Variants in FNBP1 observed in about 807,000 individuals in gnomAD.
The protein encoded by FNBP1 is formin binding protein 1, also known as formin-binding protein 1.
In FNBP1, 26 loss-of-function variants were observed where a neutral mutation model predicts 90.6. That is an observed-to-expected ratio of 0.29 (90% CI 0.21 to 0.40). The LOEUF (loss-of-function observed/expected upper bound fraction) is 0.40, where lower values mean the gene tolerates loss of function less well. Ranked by LOEUF, FNBP1 falls within the 10% of genes least tolerant of loss-of-function variation. FNBP1 has a pLI of 1.00. For synonymous variants in FNBP1, 260 were observed against 265.2 expected, an observed-to-expected ratio of 0.98 and a Z score of 0.19; for missense variants, 635 against 768.0, an observed-to-expected ratio of 0.83 and a Z score of 2.05.
chr9:129,928,354 C>A (rs550730233), intron 7 of FNBP1, among the ~76,000 whole-genome samples: 2 of 152,312 alleles, frequency 1.3e-5, no homozygotes, highest in South Asian at 4.1e-4. Context: ...GCATTAATCA[C>A]AGAATCATAG....
At chr9:129,964,682 T>G (rs2048309839) in intron 4 of FNBP1, among the ~76,000 whole-genome samples, 1 of 151,346 alleles carries the variant, frequency 6.6e-6, no homozygotes, top group South Asian at 2.1e-4. Flanking sequence ...TTGAGACAAT[T>G]TTACTGAACT....
intron 1 of FNBP1, among the ~76,000 whole-genome samples, chr9:130,029,196 C>A (rs2058600426): frequency 6.6e-6 from 1 of 151,912 alleles, no homozygotes; most frequent in Non-Finnish European, 1.5e-5. Flanking sequence ...TGCTCTGTCG[C>A]CCAGCCTGGA....
intron 2 of FNBP1, among the ~76,000 whole-genome samples, chr9:129,993,224 C>CAA (rs200526839): frequency 0.026 from 3,420 of 129,818 alleles, 59 homozygotes; most frequent in Middle Eastern, 0.06. Context: ...GAGACTGTCT[C>CAA]AAAAAAAAAA....
intron 1 of FNBP1, among the ~76,000 whole-genome samples, chr9:130,002,406 G>A (rs916508777): frequency 1.3e-5 from 2 of 152,128 alleles, no homozygotes; most frequent in Non-Finnish European, 2.9e-5. Context: ...CTTGGGTCAT[G>A]GCGGCAGATC....
chr9:129,941,886 C>A (rs1328458016), intron 6 of FNBP1, among the ~76,000 whole-genome samples: 1 of 152,126 alleles, frequency 6.6e-6, no homozygotes, highest in Non-Finnish European at 1.5e-5. Context: ...CCCTGGCTGA[C>A]ATGGCAAAAC....
chr9:129,902,749 G>C (rs1588403285), intron 13 of FNBP1, 120 bp downstream of exon 13: 1 of 938,776 alleles, frequency 1.1e-6, no homozygotes, highest in East Asian at 2.5e-5. Flanking sequence ...TCCTGAAACA[G>C]CCTGCCATTC....
chr9:130,038,134 C>G (rs488653), intron 1 of FNBP1, among the ~76,000 whole-genome samples: 1,843 of 151,986 alleles, frequency 0.012, 24 homozygotes, highest in Middle Eastern at 0.054. Flanking sequence ...GTGGGCAGAT[C>G]ACGAGGTCAG....
At chr9:129,917,917 G>A (rs1164991021) in intron 10 of FNBP1, among the ~76,000 whole-genome samples, 1 of 152,142 alleles carries the variant, frequency 6.6e-6, no homozygotes, top group Non-Finnish European at 1.5e-5. Context: ...ATGGTGCACA[G>A]CAGAAAACTC....
At chr9:129,965,819 G>GGAAGGAAGGAAGGAAGGAAT (rs2048545656) in intron 4 of FNBP1, among the ~76,000 whole-genome samples, 1 of 140,252 alleles carries the variant, frequency 7.1e-6, no homozygotes, top group Non-Finnish European at 1.6e-5. Context: ...GAGGGAGGGA[G>GGAAGGAAGGAAGGAAGGAAT]GAAGGAAGGA....
chr9:129,933,088 C>T (rs543220888), intron 6 of FNBP1, among the ~76,000 whole-genome samples: 1 of 152,256 alleles, frequency 6.6e-6, no homozygotes, highest in African/African-American at 2.4e-5. Context: ...CTGTAAAGAA[C>T]AGCAAGAGCT....
chr9:129,929,118 C>CA (rs1348574219), intron 7 of FNBP1, among the ~76,000 whole-genome samples: 2 of 147,298 alleles, frequency 1.4e-5, no homozygotes, highest in Admixed American at 6.7e-5. Flanking sequence ...CAAAACAAAA[C>CA]AAAAAAAAGG....
chr9:129,890,245 GGGGCGTGTGTCCC>G lies in FNBP1; in HGVS notation c.*281_*293del. 2.0e-6 allele frequency: 1 copy of G among 503,678 alleles called. No individual in the cohort carries two copies. The highest frequency in any genetic ancestry group is 3.5e-6 in the Non-Finnish European group (1 of 283,220). The allele number at this position is 503,678 out of a possible 1,614,324, so 31.2% of individuals were successfully genotyped here. A position where few individuals can be genotyped will look rare whatever the true frequency, so the allele number is the denominator to read the frequency against. On this transcript the variant is annotated 3_prime_UTR_variant, in exon 17 of 17. Coordinates refer to ENST00000446176, the MANE Select transcript of FNBP1 (RefSeq NM_015033.3). This position sits in a 1 kb window ranked among gnomAD's most constrained non-coding sequence, Gnocchi z 5.8. ...CTGAGGGCCCAGGAAGGAGCAGGTA[GGGGCGTGTGTCCC>G]ACCGTCTCAGTGGCCTGCGCGGGGT... is the stretch of plus-strand genomic sequence containing the variant.
intron 1 of FNBP1, among the ~76,000 whole-genome samples, chr9:130,016,131 T>C (rs1448965821): frequency 6.6e-6 from 1 of 152,194 alleles, no homozygotes; most frequent in African/African-American, 2.4e-5. Context: ...TCTAGTTTGA[T>C]TTAAAATTTT....
chr9:130,009,790 G>T (rs1211532703), intron 1 of FNBP1, among the ~76,000 whole-genome samples: 1 of 151,946 alleles, frequency 6.6e-6, no homozygotes, highest in Non-Finnish European at 1.5e-5. Flanking sequence ...AACAGAGCAA[G>T]ACTCCGTCTC....
rs1390325354 is a variant in FNBP1 at position 129,889,880 on chromosome 9, G to A, written c.*659C>T. On this transcript the variant is annotated 3_prime_UTR_variant, in exon 17 of 17. Transcript: ENST00000446176. Reference sequence around the variant, plus strand: ...AAAATGTGTGTATGCGCACGCGTGTGTACTGGTGGGTGTGCCTGTGGGTGT... The same window carrying A: ...AAAATGTGTGTATGCGCACGCGTGTATACTGGTGGGTGTGCCTGTGGGTGT... 8.5e-6 allele frequency: 2 copies of A among 234,662 alleles called. No individual in the cohort carries two copies. The highest frequency in any genetic ancestry group is 8.4e-6 in the Non-Finnish European group (1 of 118,860). The allele number at this position is 234,662 out of a possible 1,614,324, so 14.5% of individuals were successfully genotyped here.
chr9:130,035,670 G>C (rs2059243615), intron 1 of FNBP1, among the ~76,000 whole-genome samples: 2 of 152,218 alleles, frequency 1.3e-5, no homozygotes, highest in Non-Finnish European at 2.9e-5. Context: ...AGAGAGGTCA[G>C]GCACGGTGGC....
chr9:129,911,487 T>G (rs547523357), intron 11 of FNBP1, among the ~76,000 whole-genome samples: 4 of 152,262 alleles, frequency 2.6e-5, no homozygotes, highest in African/African-American at 9.6e-5. Flanking sequence ...TCTGATGAAG[T>G]CTCATAAAAG....
At chr9:129,945,085 G>C (rs2045031852) in intron 6 of FNBP1, among the ~76,000 whole-genome samples, 1 of 151,938 alleles carries the variant, frequency 6.6e-6, no homozygotes, top group Admixed American at 6.6e-5. Context: ...TTGCTATTTT[G>C]TACATTAACT....
Position 129,979,339 on chromosome 9 carries a change from G to A in FNBP1, c.176C>T (p.Ser59Leu), listed in dbSNP as rs1257329992. 3.7e-6 allele frequency: 6 copies of A among 1,605,818 alleles called. No individual in the cohort carries two copies. Among genetic ancestry groups the A allele is most frequent in the South Asian group, 1.1e-5 (1 of 90,720 alleles). ...ATACTTGTATTCTTCTTCCTCCTTCGAGTTCTTTTTAGGTTGGTACTTCTT... is the reference window on the plus strand; with the variant it reads ...ATACTTGTATTCTTCTTCCTCCTTCAAGTTCTTTTTAGGTTGGTACTTCTT... ...LSKKYQPKKNSKEEEEYKYTS... is the reference protein window; with the variant it reads ...LSKKYQPKKNLKEEEEYKYTS... Residue 59 changes from serine to leucine, a missense_variant, in exon 3 of 17, where the codon TCG becomes TTG. Coordinates refer to ENST00000446176, the MANE Select transcript of FNBP1 (RefSeq NM_015033.3).
Sources: gnomAD v4.1 joint callset for allele counts (sites outside exome capture counted in the v4.1 genomes callset) on GRCh38, gnomAD v4.1.1 for gene constraint, Gnocchi (gnomAD v3.1) non-coding constraint, MANE v1.5 for transcripts, NCBI Gene and HGNC (gene_info 2026-07-23, HGNC 2026-07-21) for gene names.